Variants in HPS4 observed in about 807,000 individuals in gnomAD.
HPS4 encodes HPS4 biogenesis of lysosomal organelles complex 3 subunit 2.
A neutral mutation model predicts 70.3 loss-of-function variants in HPS4; 44 were observed. The ratio of observed to expected loss-of-function variants is 0.63; its 90% confidence interval spans 0.49 to 0.80. The LOEUF (loss-of-function observed/expected upper bound fraction) is 0.80, where lower values mean the gene tolerates loss of function less well. Among genes scored for constraint, HPS4 ranks in the 30% least tolerant of loss-of-function variants. HPS4 has a pLI of 0.00. For missense variants in HPS4, 873 were observed against 884.4 expected (o/e 0.99, Z 0.16); for synonymous variants, 377 against 355.9 (o/e 1.06, Z -0.67).
At chr22:26,474,321 C>G (rs919650772) in intron 4 of HPS4, among the ~76,000 whole-genome samples, 1 of 151,586 alleles carries the variant, frequency 6.6e-6, no homozygotes. Flanking sequence ...AAAGGGAAAT[C>G]CAATAGGGAA....
intron 13 of HPS4, 70 bp from the exon 14 acceptor site, chr22:26,453,474 A>G (rs757207651): frequency 1.3e-6 from 2 of 1,551,542 alleles, no homozygotes; most frequent in Non-Finnish European, 1.8e-6. Flanking sequence ...CAGAGACCTC[A>G]GTAAGGTTCT....
At chr22:26,479,409 T>A (rs760020783) in intron 2 of HPS4, 54 bp from the exon 3 acceptor site, 1 of 1,600,334 alleles carries the variant, frequency 6.2e-7, no homozygotes, top group Admixed American at 1.7e-5. Flanking sequence ...GATCACGGCA[T>A]TTAAAACACA....
At chr22:26,479,047 T>G (rs1268923220) in intron 3 of HPS4, among the ~76,000 whole-genome samples, 1 of 151,980 alleles carries the variant, frequency 6.6e-6, no homozygotes, top group East Asian at 1.9e-4. Context: ...CAGACAAAAA[T>G]CATGATGGAA....
rs1403497807 is a variant in HPS4 at position 26,470,813 on chromosome 22, C to T, written c.502G>A (p.Val168Met). The change falls in exon 7 of 14, where the codon GTG becomes ATG. Residue 168 changes from valine to methionine, a missense_variant and splice_region_variant. Physicochemically the swap from Val to Met is conservative, Grantham distance 21 (BLOSUM62 1). Coordinates refer to ENST00000398145, the MANE Select transcript of HPS4 (RefSeq NM_022081.6). ...GCCTTCAGCAACAACAGGGGCTCCACCTGTGCAGGGCAAGAGGCATCATGC... is the reference window on the plus strand; with the variant it reads ...GCCTTCAGCAACAACAGGGGCTCCATCTGTGCAGGGCAAGAGGCATCATGC... Reference protein sequence around the residue: ...NSLWNLDQTKVEPLLLLKAAR... With the variant: ...NSLWNLDQTKMEPLLLLKAAR... The T allele has an allele frequency of 1.9e-6, 3 of 1,614,068 alleles. No individual in the cohort carries two copies. In the African/African-American group the frequency reaches 4.0e-5, roughly 22 times the overall value.
chr22:26,483,834 G>A (rs2091591327), upstream of HPS4: 2 of 1,287,508 alleles, frequency 1.6e-6, no homozygotes, highest in Admixed American at 4.2e-5. Context: ...CTCCTGGCAA[G>A]CCGGCGCGCG....
chr22:26,483,536 G>C (rs1372479447), intron 1 of HPS4, 138 bp downstream of exon 1: 1 of 172,440 alleles, frequency 5.8e-6, no homozygotes, highest in African/African-American at 2.4e-5. Context: ...CAGCACTAGG[G>C]CTGTGCGGTG....
chr22:26,482,437 A>G (rs2091379580), intron 1 of HPS4, among the ~76,000 whole-genome samples, 197 bp from the exon 2 acceptor site: 1 of 152,206 alleles, frequency 6.6e-6, no homozygotes, highest in Non-Finnish European at 1.5e-5. Context: ...ACACACCACA[A>G]GCTTCACGGA....
chr22:26,445,478 G>A lies in HPS4; in HGVS notation n.519-784C>T, dbSNP rs572174109. ...GTCCCAAAGCAATGGGACTAGTGGG[G>A]TGGGGACAAGAGCACATCTAGGATA... On this transcript the variant is annotated intron_variant and non_coding_transcript_variant, in intron 3 of 3. Transcript: ENST00000493455. Among the ~76,000 whole-genome samples the A allele has an allele frequency of 9.8e-5, 15 of 152,330 alleles. No individual in the cohort carries two copies. The South Asian group carries it at 2.1e-3, about 21-fold the overall frequency.
chr22:26,463,811 G>T, intron 11 of HPS4, 106 bp downstream of exon 11: 1 of 1,208,178 alleles, frequency 8.3e-7, no homozygotes, highest in Non-Finnish European at 1.2e-6. Flanking sequence ...CACAACTGAG[G>T]GCTGAGCCTT....
upstream of HPS4, chr22:26,483,785 C>G (rs1190341517): frequency 2.4e-6 from 2 of 831,854 alleles, no homozygotes; most frequent in Non-Finnish European, 3.3e-6. Context: ...GGCAGAGAGG[C>G]CTTAGGTCAC....
intron 13 of HPS4, among the ~76,000 whole-genome samples, chr22:26,457,590 G>C (rs2146346694): frequency 6.6e-6 from 1 of 152,318 alleles, no homozygotes; most frequent in East Asian, 1.9e-4. Flanking sequence ...CCCTAGTAAT[G>C]GATGTAGCTC....
chr22:26,466,497 C>T, intron 8 of HPS4: 1 of 615,066 alleles, frequency 1.6e-6, no homozygotes, highest in South Asian at 1.9e-5. Flanking sequence ...GGCAGCAGCT[C>T]CACCCAAACT....
chr22:26,443,323 A>G (rs2084870879), downstream of HPS4: 2 of 816,512 alleles, frequency 2.4e-6, no homozygotes, highest in Non-Finnish European at 4.0e-6. Context: ...CTCAGCGGAA[A>G]GCTCTTATTT....
chr22:26,472,973 T>C (rs758638226), intron 4 of HPS4, 34 bp from the exon 5 acceptor site: 6 of 1,589,992 alleles, frequency 3.8e-6, no homozygotes, highest in Non-Finnish European at 5.2e-6. Flanking sequence ...ACAAGCATCT[T>C]CCTTCTCTTT....
intron 2 of HPS4, chr22:26,479,621 G>T (rs1311906061): frequency 7.5e-7 from 1 of 1,325,902 alleles, no homozygotes; most frequent in Non-Finnish European, 9.6e-7. Flanking sequence ...AAAAAACGAG[G>T]CGCCCACAAT....
Position 26,470,802 on chromosome 22 carries a change from C to G in HPS4, c.513G>C (p.Leu171=). The G allele has an allele frequency of 1.2e-6, 2 of 1,614,214 alleles. No individual in the cohort carries two copies. Among genetic ancestry groups the G allele is most frequent in the Non-Finnish European group, 1.7e-6 (2 of 1,180,036 alleles). The change falls in exon 7 of 14, where the codon CTG becomes CTC. Residue 171 remains leucine (L), a synonymous_variant. Coordinates refer to ENST00000398145, the MANE Select transcript of HPS4 (RefSeq NM_022081.6). The part of the protein sequence containing the change: ...WNLDQTKVEP[L]LLLKAARILQ... ...GAATGCGGGCTGCCTTCAGCAACAACAGGGGCTCCACCTGTGCAGGGCAAG... is the reference window on the plus strand; with the variant it reads ...GAATGCGGGCTGCCTTCAGCAACAAGAGGGGCTCCACCTGTGCAGGGCAAG...
chr22:26,471,801 G>A (rs2089852742), intron 6 of HPS4, among the ~76,000 whole-genome samples: 1 of 152,310 alleles, frequency 6.6e-6, no homozygotes, highest in Non-Finnish European at 1.5e-5. Flanking sequence ...AGCACAGGTG[G>A]TCAGGCCAGC....
intron 11 of HPS4, among the ~76,000 whole-genome samples, chr22:26,458,930 AAAT>A (rs1369479979): frequency 6.6e-6 from 1 of 152,216 alleles, no homozygotes; most frequent in Non-Finnish European, 1.5e-5. Context: ...ATGTTTTTAA[AAAT>A]AATGATTATA....
rs948916191 is a variant in HPS4, at chr22:26,453,870, G to A, written c.1956-466C>T. The A allele has an allele frequency of 2.9e-5, 7 of 242,246 alleles. No homozygotes were observed. In the Admixed American group the frequency reaches 3.1e-4, roughly 11 times the overall value. The allele number at this position is 242,246 out of a possible 1,614,324, so 15.0% of individuals were successfully genotyped here. Reference sequence around the variant, plus strand: ...GCCTCTATGACGAGGCAATGGCAGTGTCCGAGAAAGGAGTCTAGTCTGCTC... The same window carrying A: ...GCCTCTATGACGAGGCAATGGCAGTATCCGAGAAAGGAGTCTAGTCTGCTC... On this transcript the variant is annotated intron_variant, in intron 13 of 13. Transcript: ENST00000398145.
Sources: allele counts gnomAD v4.1 joint callset (sites outside exome capture counted in the v4.1 genomes callset), GRCh38; gene constraint gnomAD v4.1.1; transcripts MANE v1.5; gene names NCBI Gene and HGNC (gene_info 2026-07-23, HGNC 2026-07-21).